STRADA: variants seen among roughly 807,000 people sequenced by gnomAD.
STRADA encodes STE20-related kinase adapter protein alpha.
STRADA carries 26 observed loss-of-function variants against 55.0 expected under a neutral mutation model. The observed-to-expected ratio is 0.47, with a 90% CI of 0.35 to 0.66. The LOEUF (loss-of-function observed/expected upper bound fraction) is 0.66. STRADA is among the 30% of genes least tolerant of loss of function. The pLI is 0.01. For missense variants in STRADA, 443 were observed against 549.7 expected (o/e 0.81, Z 1.94); for synonymous variants, 197 against 210.9 (o/e 0.93, Z 0.57).
At chr17:63,734,623 T>G (rs2038288883) in intron 1 of STRADA, among the ~76,000 whole-genome samples, 1 of 151,588 alleles carries the variant, frequency 6.6e-6, no homozygotes, top group African/African-American at 2.4e-5. Context: ...GATGACAGAG[T>G]GAGACCCTGT....
intron 2 of STRADA, 140 bp downstream of exon 2, chr17:63,728,194 A>T: frequency 1.4e-6 from 1 of 711,732 alleles, no homozygotes; most frequent in Non-Finnish European, 2.3e-6. Flanking sequence ...TGGAGGCTGC[A>T]CTACCTGCCT....
At chr17:63,713,876 G>GC in intron 5 of STRADA, 130 bp downstream of exon 5, 1 of 768,248 alleles carries the variant, frequency 1.3e-6, no homozygotes, top group Admixed American at 2.4e-5. Context: ...ACCCACAGAA[G>GC]CAAGTCTGTG....
intron 11 of STRADA, 91 bp from the exon 12 acceptor site, chr17:63,704,138 C>T: frequency 2.6e-6 from 4 of 1,547,860 alleles, no homozygotes; most frequent in Non-Finnish European, 3.5e-6. Context: ...CTCGGGTCCC[C>T]TCTCCCTCTC....
intron 1 of STRADA, among the ~76,000 whole-genome samples, chr17:63,734,142 G>A (rs2038257108): frequency 6.6e-6 from 1 of 152,160 alleles, no homozygotes; most frequent in Non-Finnish European, 1.5e-5. Flanking sequence ...CTGGATTAAG[G>A]CTGGCCAATG....
intron 3 of STRADA, among the ~76,000 whole-genome samples, chr17:63,724,131 T>C (rs1308809890): frequency 6.6e-6 from 1 of 152,074 alleles, no homozygotes; most frequent in Non-Finnish European, 1.5e-5. Flanking sequence ...TTTCTTCTTT[T>C]TAATTTTTTT....
chr17:63,739,832 A>G (rs1447738061), intron 1 of STRADA, among the ~76,000 whole-genome samples: 2 of 147,050 alleles, frequency 1.4e-5, no homozygotes, highest in African/African-American at 4.9e-5. Flanking sequence ...ACATAATTAT[A>G]TGTATATACA....
chr17:63,728,432 C>T lies in STRADA; in HGVS notation c.-44-19G>A, dbSNP rs1427591198. ...CTTAAACCTAAAAGGAAAATAGAAA[C>T]AGGTTGAGTTAGCAAAAATCTCCTT... On this transcript the variant is annotated intron_variant, in intron 1 of 12. Transcript: ENST00000336174. The T allele has an allele frequency of 3.4e-5, 49 of 1,460,282 alleles. No individual in the cohort carries two copies. Among genetic ancestry groups the T allele is most frequent in the Non-Finnish European group, 4.4e-5 (47 of 1,067,156 alleles). The allele number at this position is 1,460,282 out of a possible 1,614,324, so 90.5% of individuals were successfully genotyped here.
intron 10 of STRADA, chr17:63,704,813 A>G (rs2035972067): frequency 6.5e-7 from 1 of 1,535,132 alleles, no homozygotes; most frequent in South Asian, 1.2e-5. Flanking sequence ...GGGTTGCACA[A>G]AAGTACCCGC....
At chr17:63,741,152 G>T (rs879784821) in intron 1 of STRADA, 1 of 152,112 alleles carries the variant, frequency 6.6e-6, no homozygotes, top group African/African-American at 2.4e-5. Context: ...TGAGAACTAT[G>T]AACAATTTTA....
At position 63,712,393 on chromosome 17, in the gene STRADA, G is replaced by C. The variant is rs2036559908; in HGVS notation, c.348+1013C>G. The C allele has an allele frequency of 2.0e-5, 3 of 152,132 alleles. No individual in the cohort carries two copies. The South Asian group carries it at 6.2e-4, about 32-fold the overall frequency. 9.4% of individuals were successfully genotyped at this position (152,132 alleles called of 1,614,324 possible). On this transcript the variant is annotated intron_variant, in intron 6 of 12. Transcript: ENST00000336174. The stretch of plus-strand genomic sequence containing the variant: ...TGCCCCCTCTCTCAGTTTAACGAGA[G>C]AGTGGCTACTTGCTTCTCGAATAGA...
intron 1 of STRADA, among the ~76,000 whole-genome samples, chr17:63,730,051 GTC>G (rs1211977010): frequency 2.0e-5 from 3 of 151,970 alleles, no homozygotes; most frequent in Non-Finnish European, 2.9e-5. Flanking sequence ...GGCCAGGCTA[GTC>G]TCGAACTCCT....
chr17:63,711,564 G>A (rs572072395), intron 6 of STRADA, among the ~76,000 whole-genome samples: 2 of 151,648 alleles, frequency 1.3e-5, no homozygotes, highest in East Asian at 3.9e-4. Context: ...TGTTGCCTAG[G>A]CCTGCTTTGG....
chr17:63,704,692 G>C, intron 10 of STRADA, 110 bp from the exon 11 acceptor site: 3 of 1,505,678 alleles, frequency 2.0e-6, no homozygotes, highest in Non-Finnish European at 2.6e-6. Flanking sequence ...ATGCAAATGT[G>C]ATCATTTGAA....
intron 3 of STRADA, among the ~76,000 whole-genome samples, chr17:63,724,665 G>A (rs2037525810): frequency 6.6e-6 from 1 of 152,074 alleles, no homozygotes. Context: ...GCCCACCTCG[G>A]CCTCCCAAAG....
chr17:63,730,184 G>A (rs575250174), intron 1 of STRADA, among the ~76,000 whole-genome samples: 1 of 152,146 alleles, frequency 6.6e-6, no homozygotes, highest in East Asian at 1.9e-4. Context: ...GTTAATAACT[G>A]CCTCATTTGT....
In STRADA at chr17:63,703,992, G is replaced by C; in HGVS notation, c.1143+13C>G. ...GAACTAGAACCAGAACCAGAACGAAGGGGCTACGATACCTGCTTGAAGAAA... is the reference window on the plus strand; with the variant it reads ...GAACTAGAACCAGAACCAGAACGAACGGGCTACGATACCTGCTTGAAGAAA... On this transcript the variant is annotated intron_variant, in intron 12 of 12. Transcript: ENST00000336174. 2.0e-6 allele frequency: 3 copies of C among 1,479,602 alleles called. No individual in the cohort carries two copies. The highest frequency in any genetic ancestry group is 2.7e-6 in the Non-Finnish European group (3 of 1,094,510). The allele number at this position is 1,479,602 out of a possible 1,614,324, so 91.7% of individuals were successfully genotyped here.
intron 10 of STRADA, chr17:63,705,813 T>G (rs2143756384): frequency 6.6e-6 from 1 of 152,240 alleles, no homozygotes; most frequent in Admixed American, 6.6e-5. Context: ...CCGAGAAGAG[T>G]GTCCTAGTTC....
chr17:63,730,161 A>G (rs2037935239), intron 1 of STRADA, among the ~76,000 whole-genome samples: 1 of 151,726 alleles, frequency 6.6e-6, no homozygotes, highest in Non-Finnish European at 1.5e-5. Flanking sequence ...TTATACACCT[A>G]TTTTTTCCTA....
chr17:63,714,203 C>A, intron 4 of STRADA, 95 bp from the exon 5 acceptor site: 1 of 819,726 alleles, frequency 1.2e-6, no homozygotes, highest in Non-Finnish European at 2.0e-6. Context: ...AGGAGACTGG[C>A]ATCTAAACAC....
Sources: allele counts gnomAD v4.1 joint callset (sites outside exome capture counted in the v4.1 genomes callset), GRCh38; gene constraint gnomAD v4.1.1; transcripts MANE v1.5; gene names NCBI Gene and HGNC (gene_info 2026-07-23, HGNC 2026-07-21).